Variants in PPP6R3 observed in about 807,000 individuals in gnomAD.
The protein encoded by PPP6R3 is protein phosphatase 6 regulatory subunit 3.
In PPP6R3, 38 loss-of-function variants were observed where a neutral mutation model predicts 110.7. The observed-to-expected ratio is 0.34, with a 90% CI of 0.26 to 0.45. The LOEUF (loss-of-function observed/expected upper bound fraction) is 0.45, where lower values mean the gene tolerates loss of function less well. Ranked by LOEUF, PPP6R3 falls within the 20% of genes least tolerant of loss-of-function variation. The pLI is 1.00. For synonymous variants in PPP6R3, 369 were observed against 373.5 expected (o/e 0.99, Z 0.14); for missense variants, 870 against 1,062.4 (o/e 0.82, Z 2.52).
intron 3 of PPP6R3, among the ~76,000 whole-genome samples, chr11:68,544,320 G>C (rs2099336975): frequency 6.6e-6 from 1 of 152,182 alleles, no homozygotes; most frequent in African/African-American, 2.4e-5. Context: ...ACTCTCTTAA[G>C]ATGTAATATA....
chr11:68,534,333 C>T (rs966343612), intron 2 of PPP6R3, among the ~76,000 whole-genome samples: 4 of 152,216 alleles, frequency 2.6e-5, no homozygotes, highest in Admixed American at 2.0e-4. Flanking sequence ...GCTTTGTGGG[C>T]CGCAGATGGC....
chr11:68,541,144 AT>A (rs1403387901), intron 3 of PPP6R3, among the ~76,000 whole-genome samples: 1 of 152,232 alleles, frequency 6.6e-6, no homozygotes, highest in East Asian at 1.9e-4. Context: ...AAAAGTATTA[AT>A]TTGGGGAACT....
chr11:68,465,384 A>T (rs1467312626), intron 1 of PPP6R3, among the ~76,000 whole-genome samples: 1 of 152,162 alleles, frequency 6.6e-6, no homozygotes, highest in Non-Finnish European at 1.5e-5. Context: ...TCCTGGGGAG[A>T]TGAGATGCAG....
intron 3 of PPP6R3, among the ~76,000 whole-genome samples, chr11:68,544,062 C>G (rs755072851): frequency 1.2e-4 from 18 of 152,132 alleles, no homozygotes; most frequent in Admixed American, 3.3e-4. Context: ...GTGCTGATAT[C>G]CAGATACTGG....
intron 12 of PPP6R3, among the ~76,000 whole-genome samples, chr11:68,573,111 A>G (rs1484873903): frequency 5.7e-5 from 2 of 35,342 alleles, no homozygotes; most frequent in Non-Finnish European, 9.9e-5. Context: ...GAGTTTACTT[A>G]TTTTATATAT....
At chr11:68,612,900 C>G in intron 23 of PPP6R3, 166 bp from the exon 24 acceptor site, 2 of 1,349,124 alleles carry the variant, frequency 1.5e-6, no homozygotes, top group Non-Finnish European at 2.0e-6. Context: ...TCAGATTTTT[C>G]TAGAGCTTTT....
chr11:68,521,933 A>G (rs1184435604), intron 2 of PPP6R3, among the ~76,000 whole-genome samples: 2 of 152,212 alleles, frequency 1.3e-5, no homozygotes, highest in South Asian at 2.1e-4. Context: ...GCAAAGGTAC[A>G]TGTAATCTAT....
chr11:68,577,187 G>A (rs1216650226), intron 14 of PPP6R3, among the ~76,000 whole-genome samples: 1 of 152,190 alleles, frequency 6.6e-6, no homozygotes, highest in Non-Finnish European at 1.5e-5. Context: ...AATGACATTA[G>A]TATTGACAGC....
chr11:68,572,688 A>C (rs2099512226), intron 12 of PPP6R3, among the ~76,000 whole-genome samples: 1 of 152,018 alleles, frequency 6.6e-6, no homozygotes, highest in South Asian at 2.1e-4. Flanking sequence ...TGGCTCTACA[A>C]AAAATTAGCC....
chr11:68,592,531 G>A (rs1280257028), intron 18 of PPP6R3, among the ~76,000 whole-genome samples: 1 of 152,150 alleles, frequency 6.6e-6, no homozygotes, highest in Non-Finnish European at 1.5e-5. Flanking sequence ...GGGAATGCTT[G>A]TTGCCACAGG....
At chr11:68,517,109 C>CT (rs780000483) in intron 1 of PPP6R3, among the ~76,000 whole-genome samples, 1,554 of 140,312 alleles carry the variant, frequency 0.011, 22 homozygotes, top group African/African-American at 0.032. Flanking sequence ...TTTGTTCTTT[C>CT]TTTTTTTTTT....
chr11:68,609,841 C>A (rs1189606480), intron 22 of PPP6R3, 63 bp from the exon 23 acceptor site: 1 of 1,606,650 alleles, frequency 6.2e-7, no homozygotes, highest in South Asian at 1.1e-5. Flanking sequence ...GTGACCTCAT[C>A]CTCTGGTGCC....
chr11:68,606,207 T>A (rs1471160712), intron 22 of PPP6R3, among the ~76,000 whole-genome samples: 3 of 152,254 alleles, frequency 2.0e-5, no homozygotes, highest in African/African-American at 7.2e-5. Context: ...TGATTTTTTT[T>A]ATAAGGTTCC....
At chr11:68,581,671 A>T (rs1482471002) in intron 14 of PPP6R3, among the ~76,000 whole-genome samples, 1 of 152,180 alleles carries the variant, frequency 6.6e-6, no homozygotes, top group Non-Finnish European at 1.5e-5. Context: ...ACCAAGCAGT[A>T]TTCCCACTCC....
intron 8 of PPP6R3, among the ~76,000 whole-genome samples, chr11:68,560,281 G>GA (rs1400621729): frequency 6.6e-6 from 1 of 152,124 alleles, no homozygotes; most frequent in Non-Finnish European, 1.5e-5. Flanking sequence ...CTCGTTCTTT[G>GA]AAAAAATCAA....
At chr11:68,599,557 G>A (rs796115465) in intron 19 of PPP6R3, among the ~76,000 whole-genome samples, 6 of 152,226 alleles carry the variant, frequency 3.9e-5, no homozygotes, top group African/African-American at 1.2e-4. Context: ...AGTCAGACCC[G>A]GACTGGGAAG....
intron 5 of PPP6R3, among the ~76,000 whole-genome samples, chr11:68,549,794 A>G (rs1011198342): frequency 1.3e-5 from 2 of 152,146 alleles, no homozygotes; most frequent in African/African-American, 2.4e-5. Flanking sequence ...AGAGAGAGCG[A>G]TAGGAGGTTG....
In PPP6R3 at chr11:68,602,053, G is replaced by C; in HGVS notation, c.2299+84G>C. 5 of 1,090,366 alleles carry C rather than the reference G, an allele frequency of 4.6e-6. No individual in the cohort carries two copies. In the South Asian group the frequency reaches 7.5e-5, roughly 16 times the overall value. The allele number at this position is 1,090,366 out of a possible 1,614,324, so 67.5% of individuals were successfully genotyped here. On this transcript the variant is annotated intron_variant, in intron 21 of 23. Coordinates refer to ENST00000393800, the MANE Select transcript of PPP6R3 (RefSeq NM_001164161.2). ...ACCTGATTCTCAGGCTCAGGGGCTA[G>C]TGGAGCCCGGGAGTGAGATGGTGGG... is the stretch of plus-strand genomic sequence containing the variant.
Position 68,613,263 on chromosome 11 carries a change from T to TAA in PPP6R3, c.*147_*148dup. ...CCAGCAACCTTTATATTCTAGATTC[T>TAA]AAGACATTGTACAGAGAAATTCAGA... On this transcript the variant is annotated 3_prime_UTR_variant, in exon 24 of 24. Transcript: ENST00000393800. The TAA allele has an allele frequency of 7.0e-7, 1 of 1,420,160 alleles. No homozygotes were observed. The allele number at this position is 1,420,160 out of a possible 1,614,324, so 88.0% of individuals were successfully genotyped here.
Sources: gnomAD v4.1 joint callset for allele counts (sites outside exome capture counted in the v4.1 genomes callset) on GRCh38, gnomAD v4.1.1 for gene constraint, MANE v1.5 for transcripts, NCBI Gene and HGNC (gene_info 2026-07-23, HGNC 2026-07-21) for gene names.